METTL13: variants seen among roughly 807,000 people sequenced by gnomAD.
The protein encoded by METTL13 is eEF1A lysine and N-terminal methyltransferase.
Under a neutral mutation model 67.4 loss-of-function variants are expected in METTL13, and 52 were observed. The ratio of observed to expected loss-of-function variants is 0.77; its 90% CI spans 0.62 to 0.97. The LOEUF (loss-of-function observed/expected upper bound fraction) is 0.97. Ranked by LOEUF, METTL13 falls within the 50% of genes least tolerant of loss-of-function variation. The probability of loss-of-function intolerance (pLI) is 0.00; values close to 1 mark genes in which losing one functional copy is unlikely to be tolerated. For missense variants in METTL13, 825 were observed against 889.6 expected, an observed-to-expected ratio of 0.93 and a Z score of 0.92; for synonymous variants, 354 against 353.6, an observed-to-expected ratio of 1.00 and a Z score of -0.01.
rs974836616 is a variant in METTL13 at position 171,781,740 on chromosome 1, G to T, written c.-228G>T. 156 of 1,328,412 alleles carry T rather than the reference G, an allele frequency of 1.2e-4. No homozygotes were observed. Among genetic ancestry groups the T allele is most frequent in the Non-Finnish European group, 1.5e-4 (155 of 1,032,568 alleles). The allele number at this position is 1,328,412 out of a possible 1,614,324, so 82.3% of individuals were successfully genotyped here. A position where few individuals can be genotyped will look rare whatever the true frequency, so the allele number is the denominator to read the frequency against. On this transcript the variant is annotated 5_prime_UTR_variant, in exon 1 of 8. Transcript: ENST00000361735. ...TTCACGTGGGGAAGGAACAGCAGGC[G>T]CGGAGGAGGGGGCAAGCGTGTGTGA...
rs368088789 is a variant in METTL13 at position 171,782,566 on chromosome 1, T to TAAA, written c.153+455_153+457dup. 2.8e-3 allele frequency among the ~76,000 whole-genome samples: 407 copies of TAAA among 147,478 alleles called. 2 individuals carry two copies. Among genetic ancestry groups the TAAA allele is most frequent in the African/African-American group, 8.5e-3 (339 of 40,000 alleles). On this transcript the variant is annotated intron_variant, in intron 1 of 7. Coordinates refer to ENST00000361735, the MANE Select transcript of METTL13 (RefSeq NM_015935.5). ...CTGGGTGACAGAGTGAGACCCTGTC[T>TAAA]AAAAAAAAAAACATTTCTTTAAAGG...
At chr1:171,789,534 A>G (rs992900923) in intron 4 of METTL13, among the ~76,000 whole-genome samples, 1 of 152,188 alleles carries the variant, frequency 6.6e-6, no homozygotes, top group African/African-American at 2.4e-5. Context: ...TATTTACTTA[A>G]CACTTCAGTG....
Position 171,784,476 on chromosome 1 carries a change from A to T in METTL13, c.890A>T (p.Asp297Val). 6.6e-7 allele frequency: 1 copy of T among 1,505,232 alleles called. No individual in the cohort carries two copies. Among genetic ancestry groups the T allele is most frequent in the Non-Finnish European group, 8.9e-7 (1 of 1,128,290 alleles). The allele number at this position is 1,505,232 out of a possible 1,614,324, so 93.2% of individuals were successfully genotyped here. Residue 297 changes from aspartate to valine, a missense_variant, in exon 2 of 8, where the codon GAC becomes GTC. Asp to Val is a radical substitution (Grantham distance 152). Coordinates refer to ENST00000361735, the MANE Select transcript of METTL13 (RefSeq NM_015935.5). ...VDSPTVKPSR[D>V]NHFAIFIIPQ... is the part of the protein sequence containing the mutation. ...AGCCCCACTGTGAAACCATCGCGGG[A>T]CAATCATTTTGCGATTTTCATCAGT...
chr1:171,784,522 C>G, intron 2 of METTL13, 23 bp downstream of exon 2: 1 of 1,486,856 alleles, frequency 6.7e-7, no homozygotes, highest in Non-Finnish European at 8.9e-7. Flanking sequence ...TGCTCCCTCT[C>G]TTCCCTGGAG....
In METTL13 at chr1:171,784,293, T is replaced by C. The variant is rs1252223537; in HGVS notation, c.707T>C (p.Leu236Pro). The C allele has an allele frequency of 1.2e-6, 2 of 1,611,890 alleles. No homozygotes were observed. The highest frequency in any genetic ancestry group is 1.7e-6 in the Non-Finnish European group (2 of 1,178,528). ...CAQEQRKPVRLESAERLAEAV... is the reference protein window; with the variant it reads ...CAQEQRKPVRPESAERLAEAV... The stretch of plus-strand genomic sequence containing the variant: ...CAGGAGCAGCGCAAGCCTGTGCGGC[T>C]GGAGAGTGCCGAGCGGCTGGCCGAG... The change falls in exon 2 of 8, where the codon CTG (leucine) becomes CCG (proline). Residue 236 changes from leucine (L) to proline (P), a missense_variant. By Grantham distance (98) the Leu-to-Pro change is moderately conservative (BLOSUM62 -3). Transcript: ENST00000361735.
rs991034857 is a variant in METTL13 at position 171,781,699 on chromosome 1, A to G, written c.-269A>G. 40 of 1,099,838 alleles carry G rather than the reference A, an allele frequency of 3.6e-5. No individual in the cohort carries two copies. Among genetic ancestry groups the G allele is most frequent in the Middle Eastern group, 2.5e-4 (1 of 3,996 alleles). The allele number at this position is 1,099,838 out of a possible 1,614,324, so 68.1% of individuals were successfully genotyped here. A position where few individuals can be genotyped will look rare whatever the true frequency, so the allele number is the denominator to read the frequency against. On this transcript the variant is annotated 5_prime_UTR_variant, in exon 1 of 8. Coordinates refer to ENST00000361735, the MANE Select transcript of METTL13 (RefSeq NM_015935.5). ...ATGGGCTCGGAAATCTAGTTCGGGA[A>G]AAGTGTGAGGGGCTCTTCACGTGGG...
rs1553264586 is a variant in METTL13 at position 171,782,062 on chromosome 1, A to G, written c.95A>G (p.Tyr32Cys). 20 of 1,614,148 alleles carry G rather than the reference A, an allele frequency of 1.2e-5. No homozygotes were observed. The highest frequency in any genetic ancestry group is 1.7e-5 in the Non-Finnish European group (20 of 1,180,022). The change falls in exon 1 of 8, where the codon TAT (tyrosine) becomes TGT (cysteine). Residue 32 changes from tyrosine (Y) to cysteine (C), a missense_variant. By Grantham distance (194) the Tyr-to-Cys change is radical. Coordinates refer to ENST00000361735, the MANE Select transcript of METTL13 (RefSeq NM_015935.5). ...CGAGGAAAGAAAGCTTTCGAGTGGT[A>G]TGGAACCTACCTGGAACTGTGCGGG... ...QQRGKKAFEW[Y>C]GTYLELCGVL...
Position 171,781,800 on chromosome 1 carries a change from G to A in METTL13, c.-168G>A. 3.5e-6 allele frequency: 5 copies of A among 1,440,602 alleles called. No homozygotes were observed. In the South Asian group the frequency reaches 7.3e-5, roughly 21 times the overall value. 89.2% of individuals were successfully genotyped at this position (1,440,602 alleles called of 1,614,324 possible). A position where few individuals can be genotyped will look rare whatever the true frequency, so the allele number is the denominator to read the frequency against. ...GTCCATGCGTGCGTTTGTCGTGTAA[G>A]GGTCATTCCTGGGGTTTGGAGTGGG... On this transcript the variant is annotated 5_prime_UTR_variant, in exon 1 of 8. Coordinates refer to ENST00000361735, the MANE Select transcript of METTL13 (RefSeq NM_015935.5).
intron 5 of METTL13, 63 bp from the exon 6 acceptor site, chr1:171,791,954 G>C: frequency 1.3e-6 from 2 of 1,571,128 alleles, no homozygotes; most frequent in Non-Finnish European, 1.7e-6. Flanking sequence ...TGCCTTCCCT[G>C]AGGCTGGTAC....
In METTL13 at chr1:171,784,248, A is replaced by G. The variant is rs1408642153; in HGVS notation, c.662A>G (p.Gln221Arg). The G allele has an allele frequency of 6.2e-7, 1 of 1,613,922 alleles. No homozygotes were observed. Among genetic ancestry groups the G allele is most frequent in the Non-Finnish European group, 8.5e-7 (1 of 1,180,042 alleles). The change falls in exon 2 of 8, where the codon CAG becomes CGG. Residue 221 changes from glutamine to arginine, a missense_variant. By Grantham distance (43) the Gln-to-Arg change is conservative. Transcript: ENST00000361735. ...KFRPVPGSAL[Q>R]IFELCAQEQR... ...AGGCCAGTCCCTGGCTCTGCCCTTC[A>G]GATCTTTGAGCTGTGTGCTCAGGAG...
In METTL13 at chr1:171,794,531, T is replaced by C. The variant is rs747204945; in HGVS notation, c.1825+4T>C. 1.2e-6 allele frequency: 2 copies of C among 1,614,124 alleles called. No homozygotes were observed. The highest frequency in any genetic ancestry group is 1.7e-6 in the Non-Finnish European group (2 of 1,180,010). On this transcript the variant is annotated splice_donor_region_variant and intron_variant, in intron 7 of 7. Transcript: ENST00000361735. Reference sequence around the variant, plus strand: ...AAAAGCATCTTGACTCCTGAAGGTATGGAGAACAAAAGGTGGGAGAGGGAG... The same window carrying C: ...AAAAGCATCTTGACTCCTGAAGGTACGGAGAACAAAAGGTGGGAGAGGGAG...
rs2029863008 is a variant in METTL13, at chr1:171,796,843, T to C, written c.*87T>C. ...TGAAGAAATACAACGCACAGTACTT[T>C]TGAAGCTTCGTATTTTTCTTGGTTT... On this transcript the variant is annotated 3_prime_UTR_variant, in exon 8 of 8. Transcript: ENST00000361735. The C allele has an allele frequency of 1.3e-6, 2 of 1,500,386 alleles. No homozygotes were observed. The highest frequency in any genetic ancestry group is 4.1e-5 in the Admixed American group (2 of 48,512). The allele number at this position is 1,500,386 out of a possible 1,614,324, so 92.9% of individuals were successfully genotyped here.
chr1:171,787,294 G>A (rs1657049784), intron 3 of METTL13, among the ~76,000 whole-genome samples: 1 of 152,116 alleles, frequency 6.6e-6, no homozygotes, highest in African/African-American at 2.4e-5. Context: ...AATAATCAGG[G>A]GAAAGGAATA....
chr1:171,785,754 T>C (rs1337427766), intron 2 of METTL13, 125 bp from the exon 3 acceptor site: 6 of 951,234 alleles, frequency 6.3e-6, no homozygotes, highest in Middle Eastern at 3.3e-4. Flanking sequence ...TGTTAGCTCC[T>C]CAGTGGGTCA....
rs199795563 is a variant in METTL13 at position 171,794,401 on chromosome 1, C to T, written c.1699C>T (p.Pro567Ser). The T allele has an allele frequency of 1.2e-6, 2 of 1,614,126 alleles. No individual in the cohort carries two copies. Among genetic ancestry groups the T allele is most frequent in the South Asian group, 2.2e-5 (2 of 91,082 alleles). ...TGTTTCCTTCTTTTTCCCAGCACGG[C>T]CTTGCTACGATGTCATAATGTTTGA... is the stretch of plus-strand genomic sequence containing the variant. ...ASLAGGGEAR[P>S]CYDVIMFDVD... The change falls in exon 7 of 8, where the codon CCT (proline) becomes TCT (serine). Residue 567 changes from proline to serine, a missense_variant. Transcript: ENST00000361735.
intron 3 of METTL13, 73 bp from the exon 4 acceptor site, chr1:171,787,662 G>C (rs1657063178): frequency 6.4e-6 from 9 of 1,400,962 alleles, no homozygotes; most frequent in Middle Eastern, 2.0e-4. Context: ...ACACACAAAA[G>C]GGAAGGGGTT....
At position 171,784,639 on chromosome 1, in the gene METTL13, C is replaced by T. The variant is rs180999466; in HGVS notation, c.913+140C>T. 387 of 1,134,512 alleles carry T rather than the reference C, an allele frequency of 3.4e-4. 4 individuals are homozygous for T. In the African/African-American group the frequency reaches 5.6e-3, roughly 16 times the overall value. The allele number at this position is 1,134,512 out of a possible 1,614,324, so 70.3% of individuals were successfully genotyped here. A position where few individuals can be genotyped will look rare whatever the true frequency, so the allele number is the denominator to read the frequency against. On this transcript the variant is annotated intron_variant, in intron 2 of 7. Coordinates refer to ENST00000361735, the MANE Select transcript of METTL13 (RefSeq NM_015935.5). ...TTTTGTCTTGCAGGGGTTTGTACTTCCAGAGGATTAGACTACCCAAGGCAT... is the reference window on the plus strand; with the variant it reads ...TTTTGTCTTGCAGGGGTTTGTACTTTCAGAGGATTAGACTACCCAAGGCAT...
intron 6 of METTL13, among the ~76,000 whole-genome samples, chr1:171,793,620 A>G (rs1364023722): frequency 6.6e-6 from 1 of 152,206 alleles, no homozygotes; most frequent in Non-Finnish European, 1.5e-5. Flanking sequence ...CAGTCTCAAA[A>G]TTTTCTAAAA....
In METTL13 at chr1:171,787,806, C is replaced by T. The variant is rs369151040; in HGVS notation, c.1185C>T (p.Ser395=). Residue 395 remains serine, a synonymous_variant, in exon 4 of 8, where the codon AGC becomes AGT. Transcript: ENST00000361735. ...TVQHQDCSPL[S]GDYVIEDVQG... is the part of the protein sequence containing the mutation. ...AGCACCAAGACTGCAGCCCCTTGAG[C>T]GGTGACTATGTCATTGAGGATGTGC... The T allele has an allele frequency of 5.9e-5, 96 of 1,613,980 alleles. No individual in the cohort carries two copies. The highest frequency in any genetic ancestry group is 3.3e-4 in the Middle Eastern group (2 of 6,082).
Sources: gnomAD v4.1 joint callset for allele counts (sites outside exome capture counted in the v4.1 genomes callset) on GRCh38, gnomAD v4.1.1 for gene constraint, MANE v1.5 for transcripts, NCBI Gene and HGNC (gene_info 2026-07-23, HGNC 2026-07-21) for gene names.